CELF2: variants seen among roughly 807,000 people sequenced by gnomAD.
CELF2 encodes the protein CUGBP Elav-like family member 2.
Under a neutral mutation model 62.6 loss-of-function variants are expected in CELF2, and 8 were observed. That is an observed-to-expected ratio of 0.13 (90% CI 0.07 to 0.23). The LOEUF (loss-of-function observed/expected upper bound fraction) is 0.23, where lower values mean the gene tolerates loss of function less well. CELF2 is among the 10% of genes least tolerant of loss of function. The pLI is 1.00. For synonymous variants in CELF2, 258 were observed against 250.0 expected, an observed-to-expected ratio of 1.03 and a Z score of -0.30; for missense variants, 333 against 671.0, an observed-to-expected ratio of 0.50 and a Z score of 5.56.
the CELF2 span, among the ~76,000 whole-genome samples, chr10:10,733,493 T>C: frequency 0.77 from 116,783 of 151,824 alleles, 44,988 homozygotes; most frequent in South Asian, 0.86. Context: ...CATCCAGGGA[T>C]GGGTTCAAGT....
chr10:10,707,121 A>G, the CELF2 span, among the ~76,000 whole-genome samples: 3 of 152,204 alleles, frequency 2.0e-5, no homozygotes, highest in Non-Finnish European at 4.4e-5. Flanking sequence ...CAATGTATCA[A>G]TCTGGCTTAA....
intron 2 of CELF2, among the ~76,000 whole-genome samples, chr10:11,199,464 C>T (rs182823456): frequency 2.6e-5 from 4 of 152,270 alleles, no homozygotes; most frequent in East Asian, 3.9e-4. Flanking sequence ...GCAGAGAAGG[C>T]CCGCAGGTTG....
At chr10:10,488,868 G>A in the CELF2 span, among the ~76,000 whole-genome samples, 1 of 151,922 alleles carries the variant, frequency 6.6e-6, no homozygotes, top group African/African-American at 2.4e-5. Flanking sequence ...ATGCAAGAAG[G>A]AGCTTGGGAT....
At chr10:10,739,863 G>C in the CELF2 span, among the ~76,000 whole-genome samples, 2 of 152,042 alleles carry the variant, frequency 1.3e-5, no homozygotes, top group Non-Finnish European at 2.9e-5. Flanking sequence ...GCACCTTTTC[G>C]AGACTGTTGG....
chr10:11,069,812 C>T (rs1350203334), intron 1 of CELF2, among the ~76,000 whole-genome samples: 1 of 152,218 alleles, frequency 6.6e-6, no homozygotes, highest in Non-Finnish European at 1.5e-5. Flanking sequence ...TGAGCCGTCA[C>T]ATGTTAAGAT....
At chr10:11,176,929 G>T (rs1024577433) in intron 2 of CELF2, among the ~76,000 whole-genome samples, 1 of 152,178 alleles carries the variant, frequency 6.6e-6, no homozygotes, top group Non-Finnish European at 1.5e-5. Flanking sequence ...GGAGGAGGAA[G>T]CTTGCTCACT....
the CELF2 span, among the ~76,000 whole-genome samples, chr10:10,578,275 G>A: frequency 6.6e-6 from 1 of 152,142 alleles, no homozygotes; most frequent in Non-Finnish European, 1.5e-5. Context: ...TTTGTCAGAT[G>A]ACTAGGTTGC....
chr10:10,724,561 C>G, the CELF2 span, among the ~76,000 whole-genome samples: 1 of 147,528 alleles, frequency 6.8e-6, no homozygotes, highest in Non-Finnish European at 1.5e-5. Flanking sequence ...GAGGCTGAGA[C>G]AGGAGAACCG....
At chr10:10,638,018 A>T in the CELF2 span, among the ~76,000 whole-genome samples, 1 of 152,156 alleles carries the variant, frequency 6.6e-6, no homozygotes, top group Non-Finnish European at 1.5e-5. Flanking sequence ...TAGTTCATCA[A>T]AAAAGAATCT....
chr10:10,629,719 G>A, the CELF2 span, among the ~76,000 whole-genome samples: 101 of 152,212 alleles, frequency 6.6e-4, no homozygotes, highest in East Asian at 0.015. Flanking sequence ...GTTTTCCGGT[G>A]AGGATGTTGG....
At chr10:11,138,815 G>A (rs2060845278) in intron 1 of CELF2, among the ~76,000 whole-genome samples, 1 of 152,122 alleles carries the variant, frequency 6.6e-6, no homozygotes, top group African/African-American at 2.4e-5. Context: ...GATGTAAGAT[G>A]GAACCTTGGG....
At chr10:10,731,431 C>T in the CELF2 span, among the ~76,000 whole-genome samples, 1 of 151,860 alleles carries the variant, frequency 6.6e-6, no homozygotes, top group Non-Finnish European at 1.5e-5. Flanking sequence ...GTATTGCATA[C>T]AACATAATTA....
the CELF2 span, among the ~76,000 whole-genome samples, chr10:10,712,069 A>C: frequency 1.4e-5 from 2 of 137,940 alleles, no homozygotes; most frequent in African/African-American, 5.3e-5. Flanking sequence ...TTTTCCCTGA[A>C]TTTCCTCATC....
chr10:10,934,078 C>G lies in CELF2; in HGVS notation c.89+14079C>G, dbSNP rs1052528715. Among the ~76,000 whole-genome samples, 4 of 152,150 alleles carry G rather than the reference C, an allele frequency of 2.6e-5. No homozygotes were observed. The highest frequency in any genetic ancestry group is 7.2e-5 in the African/African-American group (3 of 41,428). ...CCCACAAACAGTATACAAGGGTTCCCTTTCTCCAATCAGTGCCAGCGTTTC... is the reference window on the plus strand; with the variant it reads ...CCCACAAACAGTATACAAGGGTTCCGTTTCTCCAATCAGTGCCAGCGTTTC... On this transcript the variant is annotated intron_variant, in intron 2 of 13. Coordinates refer to the CELF2 transcript ENST00000636488. The surrounding 1 kb of genome is among the most constrained non-coding windows in gnomAD (Gnocchi z 4.4).
the CELF2 span, among the ~76,000 whole-genome samples, chr10:10,480,202 A>G: frequency 2.0e-5 from 3 of 152,218 alleles, no homozygotes; most frequent in Non-Finnish European, 4.4e-5. Flanking sequence ...ATAAAACAGT[A>G]AAGAGCGTTT....
chr10:11,197,083 GAAGA>G (rs1554936936), intron 2 of CELF2, among the ~76,000 whole-genome samples: 1 of 114,732 alleles, frequency 8.7e-6, no homozygotes, highest in Non-Finnish European at 1.8e-5. Context: ...AAGAAAGAAA[GAAGA>G]AAGAAAGAAG....
At chr10:10,846,819 TTA>T (rs2059044843) in intron 1 of CELF2, among the ~76,000 whole-genome samples, 1 of 152,216 alleles carries the variant, frequency 6.6e-6, no homozygotes, top group Non-Finnish European at 1.5e-5. Context: ...TAAGGGAAAG[TTA>T]TGTTTTCCAA....
chr10:10,580,745 T>C, the CELF2 span, among the ~76,000 whole-genome samples: 2 of 152,234 alleles, frequency 1.3e-5, no homozygotes, highest in African/African-American at 2.4e-5. Flanking sequence ...TTTCTCCTCT[T>C]GGCAGTTCTG....
the CELF2 span, among the ~76,000 whole-genome samples, chr10:10,603,507 T>C: frequency 6.6e-6 from 1 of 152,178 alleles, no homozygotes; most frequent in East Asian, 1.9e-4. Flanking sequence ...CAATCTAAAC[T>C]CTTCTTATTT....
Sources: gnomAD v4.1 joint callset for allele counts (sites outside exome capture counted in the v4.1 genomes callset) on GRCh38, gnomAD v4.1.1 for gene constraint, Gnocchi (gnomAD v3.1) non-coding constraint, MANE v1.5 for transcripts, NCBI Gene and HGNC (gene_info 2026-07-23, HGNC 2026-07-21) for gene names.